Variants in ST8SIA5 observed in about 807,000 individuals in gnomAD.
The protein encoded by ST8SIA5 is alpha-2,8-sialyltransferase 8E.
In ST8SIA5, 24 loss-of-function variants were observed where a neutral mutation model predicts 40.2. The ratio of observed to expected loss-of-function variants is 0.60; its 90% confidence interval spans 0.43 to 0.84. ST8SIA5 has a LOEUF of 0.84. Among genes scored for constraint, ST8SIA5 ranks in the 40% least tolerant of loss-of-function variants. The pLI, the probability that ST8SIA5 is intolerant of heterozygous loss-of-function variation, is 0.00. For synonymous variants in ST8SIA5, 198 were observed against 201.8 expected (o/e 0.98, Z 0.16); for missense variants, 465 against 498.5 (o/e 0.93, Z 0.64).
In ST8SIA5 at chr18:46,677,198, G is replaced by C. The variant is rs138112450; in HGVS notation, c.*2844C>G. ...AGGAGGGCCCCGTACTATCCTGCAGGGGCATCTTGGTCAGGATCCCTCATG... is the reference window on the plus strand; with the variant it reads ...AGGAGGGCCCCGTACTATCCTGCAGCGGCATCTTGGTCAGGATCCCTCATG... On this transcript the variant is annotated 3_prime_UTR_variant, in exon 7 of 7. Coordinates refer to ENST00000315087, the MANE Select transcript of ST8SIA5 (RefSeq NM_013305.6). The C allele has an allele frequency of 2.5e-3, 375 of 152,306 alleles. 2 individuals carry two copies. The highest frequency in any genetic ancestry group is 8.5e-3 in the African/African-American group (355 of 41,558). The allele number at this position is 152,306 out of a possible 1,614,324, so 9.4% of individuals were successfully genotyped here. A position where few individuals can be genotyped will look rare whatever the true frequency, so the allele number is the denominator to read the frequency against.
intron 1 of ST8SIA5, among the ~76,000 whole-genome samples, chr18:46,706,932 A>G (rs4890686): frequency 0.9 from 136,741 of 152,200 alleles, 61,704 homozygotes; most frequent in Non-Finnish European, 0.94. Context: ...GAATTCTTGG[A>G]AGTTCAGCCA....
chr18:46,709,754 C>G (rs954544440), intron 1 of ST8SIA5, among the ~76,000 whole-genome samples: 12 of 152,158 alleles, frequency 7.9e-5, no homozygotes, highest in Admixed American at 3.9e-4. Context: ...AGAATTGTAA[C>G]ACAATATTAA....
At chr18:46,701,342 T>C (rs1398117289) in intron 2 of ST8SIA5, among the ~76,000 whole-genome samples, 1 of 151,990 alleles carries the variant, frequency 6.6e-6, no homozygotes, top group African/African-American at 2.4e-5. Flanking sequence ...GGTTTCACCA[T>C]GTTGGCCAGG....
At chr18:46,743,064 C>T (rs989587964) in intron 1 of ST8SIA5, among the ~76,000 whole-genome samples, 49 of 152,150 alleles carry the variant, frequency 3.2e-4, no homozygotes, top group African/African-American at 1.1e-3. Flanking sequence ...ATTTGTAGGT[C>T]ACCAACAAAC....
intron 2 of ST8SIA5, among the ~76,000 whole-genome samples, chr18:46,697,711 C>T (rs937656583): frequency 6.6e-6 from 1 of 151,092 alleles, no homozygotes; most frequent in African/African-American, 2.4e-5. Context: ...GTCTCAACAA[C>T]AATAAAAAGA....
In ST8SIA5 at chr18:46,681,963, G is replaced by A; in HGVS notation, c.662+9C>T. 2 of 1,613,462 alleles carry A rather than the reference G, an allele frequency of 1.2e-6. No homozygotes were observed. Among genetic ancestry groups the A allele is most frequent in the East Asian group, 2.2e-5 (1 of 44,876 alleles). ...TGGACAGTGCAGCTCTAGAAAGAGG[G>A]CCACTGACCTCTCTGTGATGATGCT... is the stretch of plus-strand genomic sequence containing the variant. On this transcript the variant is annotated intron_variant, in intron 6 of 6. Coordinates refer to ENST00000315087, the MANE Select transcript of ST8SIA5 (RefSeq NM_013305.6).
chr18:46,735,935 T>G (rs2040029711), intron 1 of ST8SIA5, among the ~76,000 whole-genome samples: 1 of 152,210 alleles, frequency 6.6e-6, no homozygotes, highest in Non-Finnish European at 1.5e-5. Context: ...TATATTGTTT[T>G]GAAAGATGTT....
chr18:46,684,844 CG>C (rs749012907), intron 5 of ST8SIA5, among the ~76,000 whole-genome samples: 8 of 152,224 alleles, frequency 5.3e-5, no homozygotes, highest in Non-Finnish European at 1.0e-4. Flanking sequence ...CACCAGGTTC[CG>C]TGGGAGCCCA....
rs773611740 is a variant in ST8SIA5, at chr18:46,686,212, G to A, written c.531C>T (p.Arg177=). 3.1e-6 allele frequency: 5 copies of A among 1,614,086 alleles called. No individual in the cohort carries two copies. The African/African-American group carries it at 6.7e-5, about 22-fold the overall frequency. The change falls in exon 5 of 7, where the codon CGC becomes CGT. Residue 177 remains arginine (R), a synonymous_variant. Coordinates refer to ENST00000315087, the MANE Select transcript of ST8SIA5 (RefSeq NM_013305.6). Reference sequence around the variant, plus strand: ...CGGCGCTGTTGATCTCCCTCCCGCAGCGGCTGTTCTTCAAGATGCCTCCGT... The same window carrying A: ...CGGCGCTGTTGATCTCCCTCCCGCAACGGCTGTTCTTCAAGATGCCTCCGT... ...VGNGGILKNS[R]CGREINSADF... is the part of the protein sequence containing the mutation.
chr18:46,751,815 G>A (rs529987929), intron 1 of ST8SIA5, among the ~76,000 whole-genome samples: 51 of 152,250 alleles, frequency 3.3e-4, no homozygotes, highest in African/African-American at 1.1e-3. Flanking sequence ...CAAGGTCTCC[G>A]GCTATAACAT....
At position 46,671,264 on chromosome 18, in the gene ST8SIA5, A is replaced by T. The variant is rs1057409091; in HGVS notation, c.*8778T>A. The T allele has an allele frequency of 3.3e-5, 5 of 152,132 alleles. No individual in the cohort carries two copies. Among genetic ancestry groups the T allele is most frequent in the Non-Finnish European group, 7.3e-5 (5 of 68,030 alleles). The allele number at this position is 152,132 out of a possible 1,614,324, so 9.4% of individuals were successfully genotyped here. On this transcript the variant is annotated 3_prime_UTR_variant, in exon 7 of 7. Transcript: ENST00000315087. Reference sequence around the variant, plus strand: ...GTGGGGGCATCTTTGGAGGAGGGAGACTAGATTGAGGCAGAAACCAGGTAC... The same window carrying T: ...GTGGGGGCATCTTTGGAGGAGGGAGTCTAGATTGAGGCAGAAACCAGGTAC...
At chr18:46,705,202 G>A (rs1284939706) in intron 1 of ST8SIA5, among the ~76,000 whole-genome samples, 1 of 152,176 alleles carries the variant, frequency 6.6e-6, no homozygotes, top group Non-Finnish European at 1.5e-5. Flanking sequence ...AATCAGACAG[G>A]GCTCCAGGTC....
In ST8SIA5 at chr18:46,686,284, G is replaced by C; in HGVS notation, c.459C>G (p.Asp153Glu). Residue 153 changes from aspartate (D) to glutamate (E), a missense_variant and splice_region_variant, in exon 5 of 7, where the codon GAC (aspartate) becomes GAG (glutamate). Transcript: ENST00000315087. ...TAAACTGGGACCGGTAGTAGGGCAT[G>C]TCCTGGGGGAGGCACAGGCACAGCT... is the stretch of plus-strand genomic sequence containing the variant. ...NQEIFRMFPK[D>E]MPYYRSQFKK... 1 of 1,614,040 alleles carries C rather than the reference G, an allele frequency of 6.2e-7. No homozygotes were observed. Among genetic ancestry groups the C allele is most frequent in the Non-Finnish European group, 8.5e-7 (1 of 1,179,918 alleles).
chr18:46,704,501 C>T (rs1022115042), intron 2 of ST8SIA5, 71 bp downstream of exon 2: 16 of 1,375,156 alleles, frequency 1.2e-5, no homozygotes, highest in Middle Eastern at 4.8e-4. Context: ...CCCTTGCCCC[C>T]ACGCACTCAC....
intron 1 of ST8SIA5, among the ~76,000 whole-genome samples, chr18:46,746,802 C>A (rs1295697068): frequency 5.3e-5 from 8 of 151,990 alleles, no homozygotes; most frequent in Non-Finnish European, 1.0e-4. Flanking sequence ...AGACACCACG[C>A]TACCTGACTT....
intron 1 of ST8SIA5, among the ~76,000 whole-genome samples, chr18:46,719,135 T>C (rs1168589501): frequency 6.6e-6 from 1 of 152,204 alleles, no homozygotes; most frequent in African/African-American, 2.4e-5. Flanking sequence ...GGTCATGCCA[T>C]TTATTCTGTG....
At chr18:46,693,781 T>C (rs1490206057) in intron 2 of ST8SIA5, among the ~76,000 whole-genome samples, 1 of 152,222 alleles carries the variant, frequency 6.6e-6, no homozygotes, top group African/African-American at 2.4e-5. Context: ...TAACCTCAAA[T>C]AGTCGCTCAC....
chr18:46,708,796 C>G (rs1375258351), intron 1 of ST8SIA5, among the ~76,000 whole-genome samples: 1 of 152,216 alleles, frequency 6.6e-6, no homozygotes, highest in African/African-American at 2.4e-5. Context: ...TGCTTCTTCC[C>G]ATGGTCCTGC....
intron 1 of ST8SIA5, among the ~76,000 whole-genome samples, chr18:46,740,735 C>A (rs2040079703): frequency 6.6e-6 from 1 of 152,032 alleles, no homozygotes; most frequent in Admixed American, 6.5e-5. Flanking sequence ...AGCTGTATGA[C>A]CTTGAACAAA....
Sources: gnomAD v4.1 joint callset for allele counts (sites outside exome capture counted in the v4.1 genomes callset) on GRCh38, gnomAD v4.1.1 for gene constraint, MANE v1.5 for transcripts, NCBI Gene and HGNC (gene_info 2026-07-23, HGNC 2026-07-21) for gene names.